FAM234A: variants seen among roughly 807,000 people sequenced by gnomAD.
FAM234A encodes the protein protein FAM234A.
FAM234A carries 42 observed loss-of-function variants against 49.1 expected under a neutral mutation model. The observed-to-expected ratio is 0.86, with a 90% CI of 0.67 to 1.11. FAM234A has a LOEUF of 1.11. Among genes scored for constraint, FAM234A ranks in the 50% least tolerant of loss-of-function variants. The pLI is 0.00. For synonymous variants in FAM234A, 369 were observed against 316.2 expected, an observed-to-expected ratio of 1.17 and a Z score of -1.77; for missense variants, 815 against 745.2, an observed-to-expected ratio of 1.09 and a Z score of -1.09.
At chr16:248,456 C>T (rs1288608094) in intron 1 of FAM234A, 1 of 151,914 alleles carries the variant, frequency 6.6e-6, no homozygotes, top group African/African-American at 2.4e-5. Context: ...ATAACTCGAC[C>T]ATTCTAGTCA....
chr16:259,068 A>G (rs1030157384), intron 3 of FAM234A, among the ~76,000 whole-genome samples: 6 of 152,104 alleles, frequency 3.9e-5, no homozygotes, highest in Non-Finnish European at 8.8e-5. Context: ...GGCGTGAGGC[A>G]CCTTGCCCGG....
intron 1 of FAM234A, among the ~76,000 whole-genome samples, chr16:242,766 C>T (rs1034105511): frequency 3.3e-5 from 5 of 151,726 alleles, no homozygotes; most frequent in Admixed American, 6.6e-5. Flanking sequence ...ATGCACATCA[C>T]CACGCCTGGT....
chr16:246,185 C>T (rs113345834), intron 1 of FAM234A, among the ~76,000 whole-genome samples: 1 of 150,862 alleles, frequency 6.6e-6, no homozygotes, highest in Non-Finnish European at 1.5e-5. Context: ...ATTGTACTCC[C>T]GCCTAGGTGA....
rs2141344188 is a variant in FAM234A at position 261,316 on chromosome 16, T to TGCC, written c.578-68_578-67insGCC. The TGCC allele has an allele frequency of 9.0e-6, 14 of 1,562,458 alleles. 1 individual carries two copies. In the African/African-American group the frequency reaches 1.6e-4, roughly 18 times the overall value. ...AACAGGAGCCTGCCTGTCACAGGCCTTGCAGTTGCCGGGCTGCTGTTGAAG... is the reference window on the plus strand; with the variant it reads ...AACAGGAGCCTGCCTGTCACAGGCCTGCCTGCAGTTGCCGGGCTGCTGTTGAAG... On this transcript the variant is annotated intron_variant, in intron 5 of 12. Transcript: ENST00000399932.
chr16:263,160 G>A lies in FAM234A; in HGVS notation c.972-102G>A, dbSNP rs904560993. On this transcript the variant is annotated intron_variant, in intron 8 of 12. Coordinates refer to ENST00000399932, the MANE Select transcript of FAM234A (RefSeq NM_032039.4). ...TAGAACTGAGAAACGGGTTATGGGG[G>A]CCTAAGAGGAGCACCCTGAGACGGG... 14 of 1,372,300 alleles carry A rather than the reference G, an allele frequency of 1.0e-5. No homozygotes were observed. In the African/African-American group the frequency reaches 1.6e-4, roughly 15 times the overall value. 85.0% of individuals were successfully genotyped at this position (1,372,300 alleles called of 1,614,324 possible).
At chr16:267,838 C>T (rs1246649186), downstream of FAM234A, among the ~76,000 whole-genome samples, 1 of 147,718 alleles carries the variant, frequency 6.8e-6, no homozygotes, top group African/African-American at 2.5e-5. Context: ...GCTATGCGTA[C>T]ACACCACACG....
At chr16:252,002 CAAA>C (rs1203781848) in intron 2 of FAM234A, among the ~76,000 whole-genome samples, 6 of 48,068 alleles carry the variant, frequency 1.2e-4, no homozygotes, top group Non-Finnish European at 2.1e-4. Context: ...GACTCCGTCT[CAAA>C]AAAAAAAAAA....
chr16:252,708 A>G (rs2051068195), intron 2 of FAM234A, among the ~76,000 whole-genome samples: 1 of 152,204 alleles, frequency 6.6e-6, no homozygotes, highest in Non-Finnish European at 1.5e-5. Context: ...TGTCATACAC[A>G]GGTTATTAAG....
chr16:247,492 G>C (rs986245161), intron 1 of FAM234A, among the ~76,000 whole-genome samples: 3 of 151,586 alleles, frequency 2.0e-5, no homozygotes, highest in African/African-American at 7.3e-5. Context: ...GAGTGCGATG[G>C]CTCAATCTCG....
chr16:263,867 C>T, intron 10 of FAM234A, 92 bp downstream of exon 10: 1 of 1,405,480 alleles, frequency 7.1e-7, no homozygotes, highest in Non-Finnish European at 1.0e-6. Context: ...CAGGAGGCTG[C>T]TGCCGTCAGA....
downstream of FAM234A, chr16:268,647 G>A (rs1596877828): frequency 1.1e-6 from 1 of 921,288 alleles, no homozygotes; most frequent in Non-Finnish European, 1.6e-6. Flanking sequence ...CTCGAGGTGG[G>A]AAAGCAGGTG....
At chr16:248,067 T>G (rs551896072) in intron 1 of FAM234A, among the ~76,000 whole-genome samples, 1 of 152,192 alleles carries the variant, frequency 6.6e-6, no homozygotes, top group Admixed American at 6.5e-5. Flanking sequence ...TTCTGAAGCC[T>G]CTGTTTCTGT....
rs925060165 is a variant in FAM234A, at chr16:265,312, G to A, written c.*290G>A. 1.1e-4 allele frequency: 139 copies of A among 1,215,564 alleles called. No homozygotes were observed. Among genetic ancestry groups the A allele is most frequent in the Non-Finnish European group, 5.1e-5 (50 of 972,544 alleles). 75.3% of individuals were successfully genotyped at this position (1,215,564 alleles called of 1,614,324 possible). A position where few individuals can be genotyped will look rare whatever the true frequency, so the allele number is the denominator to read the frequency against. Reference sequence around the variant, plus strand: ...GCTCACACCAGGCAGCCTTCATAGTGGTCTCCCTGGCCACCTTGGGCAGAG... The same window carrying A: ...GCTCACACCAGGCAGCCTTCATAGTAGTCTCCCTGGCCACCTTGGGCAGAG... On this transcript the variant is annotated 3_prime_UTR_variant, in exon 13 of 13. Coordinates refer to ENST00000399932, the MANE Select transcript of FAM234A (RefSeq NM_032039.4).
At chr16:258,056 G>A (rs78050103) in intron 3 of FAM234A, among the ~76,000 whole-genome samples, 1,620 of 151,460 alleles carry the variant, frequency 0.011, 26 homozygotes, top group African/African-American at 0.036. Flanking sequence ...AGGTTTCACC[G>A]TATTAGCCAG....
chr16:265,574 TC>T lies in FAM234A; in HGVS notation c.*555del. 1.0e-6 allele frequency: 1 copy of T among 985,766 alleles called. No homozygotes were observed. The highest frequency in any genetic ancestry group is 4.7e-5 in the South Asian group (1 of 21,292). The allele number at this position is 985,766 out of a possible 1,614,324, so 61.1% of individuals were successfully genotyped here. A position where few individuals can be genotyped will look rare whatever the true frequency, so the allele number is the denominator to read the frequency against. On this transcript the variant is annotated 3_prime_UTR_variant, in exon 13 of 13. Coordinates refer to ENST00000399932, the MANE Select transcript of FAM234A (RefSeq NM_032039.4). ...GAGACAGCTCCAGCTTCGCAGCCCTTCCCGGAGCTACAGGGGGATCCTCTAG... is the reference window on the plus strand; with the variant it reads ...GAGACAGCTCCAGCTTCGCAGCCCTTCCGGAGCTACAGGGGGATCCTCTAG...
At chr16:253,099 A>G (rs1007709947) in intron 2 of FAM234A, among the ~76,000 whole-genome samples, 3 of 152,252 alleles carry the variant, frequency 2.0e-5, no homozygotes, top group African/African-American at 4.8e-5. Flanking sequence ...GAAGCAGCTC[A>G]GGCTGGGTGG....
intron 7 of FAM234A, 52 bp from the exon 8 acceptor site, chr16:262,372 C>T (rs146515915): frequency 2.6e-4 from 410 of 1,558,058 alleles, no homozygotes; most frequent in Non-Finnish European, 3.2e-4. Context: ...GCCCCTGGTC[C>T]GGGTTCACAG....
chr16:237,586 C>T (rs973262724), intron 1 of FAM234A, among the ~76,000 whole-genome samples: 3 of 152,118 alleles, frequency 2.0e-5, no homozygotes, highest in Admixed American at 6.6e-5. Context: ...GGCAGGAGCC[C>T]TCAGTTCCTT....
Position 236,580 on chromosome 16 carries a change from A to G in FAM234A, c.-140+1723A>G, listed in dbSNP as rs146823083. Among the ~76,000 whole-genome samples, 1,097 of 144,814 alleles carry G rather than the reference A, an allele frequency of 7.6e-3. 15 individuals are homozygous for G. The highest frequency in any genetic ancestry group is 0.027 in the African/African-American group (1,048 of 38,996). ...AGAGGTTGCAGTGAGCCGAGATTGC[A>G]CCACTACGCTCTGGAGACATAGCGA... On this transcript the variant is annotated intron_variant, in intron 1 of 12. Coordinates refer to ENST00000399932, the MANE Select transcript of FAM234A (RefSeq NM_032039.4).
Sources: gnomAD v4.1 joint callset for allele counts (sites outside exome capture counted in the v4.1 genomes callset) on GRCh38, gnomAD v4.1.1 for gene constraint, MANE v1.5 for transcripts, NCBI Gene and HGNC (gene_info 2026-07-23, HGNC 2026-07-21) for gene names.